CRACR2A: variants seen among roughly 807,000 people sequenced by gnomAD.
CRACR2A encodes EF-hand calcium-binding domain-containing protein 4B.
Under a neutral mutation model 90.5 loss-of-function variants are expected in CRACR2A, and 79 were observed. The observed-to-expected ratio is 0.87, with a 90% CI of 0.73 to 1.05. The LOEUF is 1.05. Ranked by LOEUF, CRACR2A falls within the 50% of genes least tolerant of loss-of-function variation. The pLI is 0.00. For missense variants in CRACR2A, 823 were observed against 897.2 expected (o/e 0.92, Z 1.06); for synonymous variants, 338 against 356.7 (o/e 0.95, Z 0.59).
chr12:3,652,673 A>G (rs116079975), intron 10 of CRACR2A, among the ~76,000 whole-genome samples: 27 of 152,324 alleles, frequency 1.8e-4, no homozygotes, highest in African/African-American at 6.5e-4. Context: ...GGGAGTTAAC[A>G]TCTATAAAAC....
chr12:3,621,671 A>AAAAAAAAAAAAC (rs1301625787), intron 17 of CRACR2A, among the ~76,000 whole-genome samples: 7 of 145,392 alleles, frequency 4.8e-5, no homozygotes, highest in Non-Finnish European at 9.0e-5. Flanking sequence ...AAAAAAAAAA[A>AAAAAAAAAAAAC]AAAAAAAAAA....
chr12:3,632,121 G>A (rs1244613393), intron 15 of CRACR2A, among the ~76,000 whole-genome samples: 1 of 152,132 alleles, frequency 6.6e-6, no homozygotes, highest in Non-Finnish European at 1.5e-5. Flanking sequence ...GTTCTCACGA[G>A]ATCTGGTTGT....
chr12:3,750,870 C>T (rs1226274117), intron 1 of CRACR2A, among the ~76,000 whole-genome samples: 3 of 152,174 alleles, frequency 2.0e-5, no homozygotes, highest in East Asian at 1.9e-4. Context: ...GCGGCCACTG[C>T]CCCAGTGCTG....
At chr12:3,702,933 A>G (rs1945855063) in intron 3 of CRACR2A, among the ~76,000 whole-genome samples, 2 of 152,248 alleles carry the variant, frequency 1.3e-5, no homozygotes, top group Admixed American at 6.5e-5. Context: ...GCATAAAGAC[A>G]CACAAACAGA....
chr12:3,666,364 T>TGTGTGC lies in CRACR2A; in HGVS notation c.672-6711_672-6710insGCACAC, dbSNP rs765943563. On this transcript the variant is annotated intron_variant, in intron 7 of 19. Coordinates refer to ENST00000440314, the MANE Select transcript of CRACR2A (RefSeq NM_001144958.2). Reference sequence around the variant, plus strand: ...GTGTGTGTGTGTGTGTGCGTGCGTGTGCGCGTGCGCGCGCACGCGCGCACA... The same window carrying TGTGTGC: ...GTGTGTGTGTGTGTGTGCGTGCGTGTGTGTGCGCGCGTGCGCGCGCACGCGCGCACA... Among the ~76,000 whole-genome samples the TGTGTGC allele has an allele frequency of 5.4e-5, 8 of 149,498 alleles. No individual in the cohort carries two copies. In the South Asian group the frequency reaches 1.7e-3, roughly 32 times the overall value.
rs118020246 is a variant in CRACR2A, at chr12:3,718,149, T to C, written c.-117-4832A>G. Among the ~76,000 whole-genome samples the C allele has an allele frequency of 1.9e-3, 283 of 152,354 alleles. 6 individuals are homozygous for C. In the East Asian group the frequency reaches 0.036, roughly 19 times the overall value. ...GATAAGATACACAGCACACAGAAAGTGCTTAGCACAGGGTATGACCCATAC... is the reference window on the plus strand; with the variant it reads ...GATAAGATACACAGCACACAGAAAGCGCTTAGCACAGGGTATGACCCATAC... On this transcript the variant is annotated intron_variant, in intron 2 of 19. Coordinates refer to ENST00000440314, the MANE Select transcript of CRACR2A (RefSeq NM_001144958.2).
intron 2 of CRACR2A, among the ~76,000 whole-genome samples, chr12:3,714,621 T>C (rs1029607134): frequency 3.3e-5 from 5 of 152,268 alleles, no homozygotes; most frequent in African/African-American, 1.2e-4. Flanking sequence ...TATTTCTAGA[T>C]GGTAACCTTA....
intron 4 of CRACR2A, among the ~76,000 whole-genome samples, chr12:3,693,268 A>G (rs1945679974): frequency 6.6e-6 from 1 of 152,188 alleles, no homozygotes; most frequent in African/African-American, 2.4e-5. Flanking sequence ...CCACAAGTCT[A>G]CCAGCACAGG....
At position 3,706,611 on chromosome 12, in the gene CRACR2A, T is replaced by C. The variant is rs1945926146; in HGVS notation, c.-37+6626A>G. Among the ~76,000 whole-genome samples the C allele has an allele frequency of 2.0e-5, 3 of 152,182 alleles. No homozygotes were observed. In the South Asian group the frequency reaches 6.2e-4, roughly 32 times the overall value. On this transcript the variant is annotated intron_variant, in intron 3 of 19. Coordinates refer to ENST00000440314, the MANE Select transcript of CRACR2A (RefSeq NM_001144958.2). ...ACTTACATGTGTCAGCTATTACTTA[T>C]TTATTTAGAGACGGAGTCTCACTCT...
At position 3,719,745 on chromosome 12, in the gene CRACR2A, T is replaced by C. The variant is rs75634656; in HGVS notation, c.-117-6428A>G. ...ATATCCAAATAAAAATCTCAGATTG[T>C]GAATGGACTTATCTCTCTTATATCT... On this transcript the variant is annotated intron_variant, in intron 2 of 19. Transcript: ENST00000440314. Among the ~76,000 whole-genome samples, 1,178 of 152,322 alleles carry C rather than the reference T, an allele frequency of 7.7e-3. 11 individuals are homozygous for C. The highest frequency in any genetic ancestry group is 0.027 in the African/African-American group (1,115 of 41,562).
intron 1 of CRACR2A, among the ~76,000 whole-genome samples, chr12:3,742,263 T>C (rs1485406061): frequency 6.6e-6 from 1 of 152,258 alleles, no homozygotes; most frequent in Non-Finnish European, 1.5e-5. Context: ...GGTTGGCTTT[T>C]CCTGGTGGAT....
intron 17 of CRACR2A, among the ~76,000 whole-genome samples, chr12:3,625,034 C>G (rs1300026009): frequency 2.0e-5 from 3 of 152,162 alleles, no homozygotes; most frequent in African/African-American, 7.2e-5. Flanking sequence ...TCCTGATGTT[C>G]ACCCAGGTTT....
At chr12:3,742,210 G>A (rs539284509) in intron 1 of CRACR2A, among the ~76,000 whole-genome samples, 2 of 152,318 alleles carry the variant, frequency 1.3e-5, no homozygotes, top group African/African-American at 4.8e-5. Context: ...TAGTGGGCCT[G>A]TTGGTAAAAG....
At chr12:3,728,109 T>G (rs1234241847) in intron 2 of CRACR2A, 1 of 152,196 alleles carries the variant, frequency 6.6e-6, no homozygotes, top group Non-Finnish European at 1.5e-5. Context: ...GCCTGCTGTC[T>G]GTATTCCATC....
intron 12 of CRACR2A, 32 bp downstream of exon 12, chr12:3,644,563 C>A: frequency 6.5e-7 from 1 of 1,549,804 alleles, no homozygotes; most frequent in South Asian, 1.2e-5. Flanking sequence ...AGCCCTTGGT[C>A]CCCCACAGGT....
At chr12:3,730,800 G>A (rs1013596521) in intron 2 of CRACR2A, 3 of 152,224 alleles carry the variant, frequency 2.0e-5, no homozygotes, top group African/African-American at 7.2e-5. Flanking sequence ...ATCCTGGAAG[G>A]TTGTATAGGA....
chr12:3,702,708 T>C (rs953264079), intron 3 of CRACR2A, among the ~76,000 whole-genome samples: 5 of 152,180 alleles, frequency 3.3e-5, no homozygotes, highest in Non-Finnish European at 7.4e-5. Context: ...TAAGATGTCA[T>C]TTCTTCCTAA....
chr12:3,677,162 G>A (rs1333067052), intron 6 of CRACR2A, among the ~76,000 whole-genome samples: 1 of 152,058 alleles, frequency 6.6e-6, no homozygotes, highest in Non-Finnish European at 1.5e-5. Flanking sequence ...GATTCTGGGA[G>A]GTTTATCAAT....
At chr12:3,624,100 C>T (rs1944209271) in intron 17 of CRACR2A, among the ~76,000 whole-genome samples, 1 of 152,196 alleles carries the variant, frequency 6.6e-6, no homozygotes, top group South Asian at 2.1e-4. Context: ...TCCACTACCT[C>T]CCCCGAGCAT....
Sources: allele counts gnomAD v4.1 joint callset (sites outside exome capture counted in the v4.1 genomes callset), GRCh38; gene constraint gnomAD v4.1.1; transcripts MANE v1.5; gene names NCBI Gene and HGNC (gene_info 2026-07-23, HGNC 2026-07-21).